The following SPATS2 variants were observed in gnomAD, a reference collection of about 807,000 sequenced individuals.
SPATS2 encodes spermatogenesis associated serine rich 2, also known as spermatogenesis-associated serine-rich protein 2.
SPATS2 carries 38 observed loss-of-function variants against 63.7 expected under a neutral mutation model. That is an observed-to-expected ratio of 0.60 (90% CI 0.46 to 0.78). SPATS2 has a LOEUF of 0.78. SPATS2 is among the 30% of genes least tolerant of loss of function. SPATS2 has a pLI of 0.00. For missense variants in SPATS2, 588 were observed against 666.2 expected, an observed-to-expected ratio of 0.88 and a Z score of 1.29; for synonymous variants, 207 against 232.9, an observed-to-expected ratio of 0.89 and a Z score of 1.01.
intron 2 of SPATS2, among the ~76,000 whole-genome samples, chr12:49,459,788 C>T (rs1470149979): frequency 8.4e-6 from 1 of 118,910 alleles, no homozygotes; most frequent in African/African-American, 3.3e-5. Flanking sequence ...GCTGGGAAAC[C>T]TGAGGAGAGG....
chr12:49,468,680 T>A (rs1945975391), intron 3 of SPATS2, among the ~76,000 whole-genome samples: 1 of 151,808 alleles, frequency 6.6e-6, no homozygotes, highest in African/African-American at 2.4e-5. Flanking sequence ...TTTCACCATG[T>A]TACCCAGGCT....
intron 1 of SPATS2, among the ~76,000 whole-genome samples, chr12:49,370,114 C>T (rs1943973209): frequency 6.6e-6 from 1 of 152,182 alleles, no homozygotes; most frequent in Non-Finnish European, 1.5e-5. Context: ...ATTCCAGGCG[C>T]TGAACTCAGT....
At chr12:49,485,847 C>T (rs1327312887) in intron 4 of SPATS2, among the ~76,000 whole-genome samples, 1 of 150,748 alleles carries the variant, frequency 6.6e-6, no homozygotes, top group Non-Finnish European at 1.5e-5. Flanking sequence ...TTAGCCTCCA[C>T]CTCCTGGGTT....
In SPATS2 at chr12:49,495,064, T is replaced by G. The variant is rs1392089832; in HGVS notation, c.526+62T>G. 3 of 1,431,134 alleles carry G rather than the reference T, an allele frequency of 2.1e-6. No individual in the cohort carries two copies. In the African/African-American group the frequency reaches 4.3e-5, roughly 21 times the overall value. 88.7% of individuals were successfully genotyped at this position (1,431,134 alleles called of 1,614,324 possible). A position where few individuals can be genotyped will look rare whatever the true frequency, so the allele number is the denominator to read the frequency against. ...AGTTGAAAAACAGGGTTCTCCTCGT[T>G]GAGAAAGTGATCAATTAAATCTAGT... On this transcript the variant is annotated intron_variant, in intron 7 of 13. Coordinates refer to ENST00000552918, the MANE Select transcript of SPATS2 (RefSeq NM_023071.4).
rs1168505658 is a variant in SPATS2, at chr12:49,489,528, C to G, written c.169C>G (p.His57Asp). 2 of 1,613,858 alleles carry G rather than the reference C, an allele frequency of 1.2e-6. No homozygotes were observed. Among genetic ancestry groups the G allele is most frequent in the Admixed American group, 3.3e-5 (2 of 60,018 alleles). Residue 57 changes from histidine (H) to aspartate (D), a missense_variant, in exon 5 of 14, where the codon CAC (histidine) becomes GAC (aspartate). His to Asp is a moderately conservative substitution (Grantham distance 81). Coordinates refer to ENST00000552918, the MANE Select transcript of SPATS2 (RefSeq NM_023071.4). ...SNNEIILVLQ[H>D]FDNCVDKTVQ... ...CAATGAAATTATCCTGGTTTTGCAGCACTTTGATAACTGTGTGGACAAAAC... is the reference window on the plus strand; with the variant it reads ...CAATGAAATTATCCTGGTTTTGCAGGACTTTGATAACTGTGTGGACAAAAC...
At chr12:49,505,915 C>T (rs190710031) in intron 9 of SPATS2, among the ~76,000 whole-genome samples, 64 of 152,250 alleles carry the variant, frequency 4.2e-4, no homozygotes, top group Middle Eastern at 3.4e-3. Flanking sequence ...ACAGACAGTT[C>T]CCTACTTATG....
intron 2 of SPATS2, among the ~76,000 whole-genome samples, chr12:49,395,590 A>T (rs1326393964): frequency 6.7e-6 from 1 of 149,530 alleles, no homozygotes; most frequent in Non-Finnish European, 1.5e-5. Flanking sequence ...ATGCCCACTA[A>T]TTTTTTTGTA....
chr12:49,432,134 C>T (rs529076087), intron 2 of SPATS2, among the ~76,000 whole-genome samples: 1 of 152,266 alleles, frequency 6.6e-6, no homozygotes, highest in South Asian at 2.1e-4. Flanking sequence ...CACCTCAGTA[C>T]CTGTGTGTTT....
chr12:49,525,760 A>G (rs1222204510), intron 13 of SPATS2, among the ~76,000 whole-genome samples, 184 bp from the exon 14 acceptor site: 4 of 152,252 alleles, frequency 2.6e-5, no homozygotes, highest in African/African-American at 9.6e-5. Flanking sequence ...GAGCAGGGAA[A>G]GATGGATTAG....
chr12:49,379,507 C>T (rs1401262409), intron 2 of SPATS2, among the ~76,000 whole-genome samples: 11 of 138,254 alleles, frequency 8.0e-5, no homozygotes, highest in African/African-American at 2.7e-4. Context: ...GCCGCGATCA[C>T]GCCACTGCAC....
rs537558029 is a variant in SPATS2, at chr12:49,526,240, A to G, written c.1623A>G (p.Glu541=). 7.5e-6 allele frequency: 12 copies of G among 1,609,290 alleles called. No homozygotes were observed. In the African/African-American group the frequency reaches 1.5e-4, roughly 20 times the overall value. Residue 541 remains glutamate (E), a synonymous_variant, in exon 14 of 14, where the codon GAA becomes GAG. Transcript: ENST00000552918. ...PQRKPRTSQT[E]AVNS ...GCAAACCCAGGACCTCTCAGACTGA[A>G]GCCGTGAACTCTTGAGAGAAAATCC...
intron 2 of SPATS2, among the ~76,000 whole-genome samples, chr12:49,382,702 TTTTG>T (rs1032348720): frequency 1.2e-4 from 19 of 152,318 alleles, no homozygotes; most frequent in South Asian, 4.1e-4. Flanking sequence ...TATTTTTGTA[TTTTG>T]TTTGTTTGTT....
Position 49,519,201 on chromosome 12 carries a change from T to C in SPATS2, c.1008+19T>C. ...TATCAAGGTAAAACTTCTTTCTGCT[T>C]TCTGCCTTTCTTCTTATCCTCAGGG... On this transcript the variant is annotated intron_variant, in intron 11 of 13. Coordinates refer to ENST00000552918, the MANE Select transcript of SPATS2 (RefSeq NM_023071.4). 2 of 1,595,040 alleles carry C rather than the reference T, an allele frequency of 1.3e-6. No individual in the cohort carries two copies. The highest frequency in any genetic ancestry group is 1.7e-6 in the Non-Finnish European group (2 of 1,166,330).
Position 49,459,940 on chromosome 12 carries a change from G to GA in SPATS2, c.-243-812dup, listed in dbSNP as rs533258878. 8.4e-3 allele frequency among the ~76,000 whole-genome samples: 884 copies of GA among 105,708 alleles called. 1 individual carries two copies. The highest frequency in any genetic ancestry group is 0.014 in the African/African-American group (399 of 28,772). 69.3% of individuals were successfully genotyped at this position (105,708 alleles called of 152,430 possible). A position where few individuals can be genotyped will look rare whatever the true frequency, so the allele number is the denominator to read the frequency against. On this transcript the variant is annotated intron_variant, in intron 2 of 13. Coordinates refer to ENST00000552918, the MANE Select transcript of SPATS2 (RefSeq NM_023071.4). ...AATATGGTGAAACCCTGTCTCTACTGAAAAAAAAAAAAAAAAAATTAGCCA... is the reference window on the plus strand; with the variant it reads ...AATATGGTGAAACCCTGTCTCTACTGAAAAAAAAAAAAAAAAAAATTAGCCA...
At chr12:49,463,519 A>G (rs1252440919) in intron 3 of SPATS2, 1 of 152,088 alleles carries the variant, frequency 6.6e-6, no homozygotes, top group Non-Finnish European at 1.5e-5. Context: ...AGTAAAGCTT[A>G]TGTGTTGTTG....
At chr12:49,369,294 T>C (rs1565687817) in intron 1 of SPATS2, among the ~76,000 whole-genome samples, 1 of 152,114 alleles carries the variant, frequency 6.6e-6, no homozygotes, top group African/African-American at 2.4e-5. Flanking sequence ...CCCAAAGTGT[T>C]GGGATTACAG....
At chr12:49,492,611 A>G (rs2137892356) in intron 6 of SPATS2, among the ~76,000 whole-genome samples, 1 of 152,266 alleles carries the variant, frequency 6.6e-6, no homozygotes, top group East Asian at 1.9e-4. Flanking sequence ...TGTGTTAGAG[A>G]CACAGACATT....
Position 49,496,826 on chromosome 12 carries a change from T to G in SPATS2, c.527-7T>G. Reference sequence around the variant, plus strand: ...TGCTCTAAAGTACAGTCCTCTTTCTTGGACAGGATCCATGCTGCAGAATGG... The same window carrying G: ...TGCTCTAAAGTACAGTCCTCTTTCTGGGACAGGATCCATGCTGCAGAATGG... On this transcript the variant is annotated splice_region_variant and splice_polypyrimidine_tract_variant and intron_variant, in intron 7 of 13. Coordinates refer to ENST00000552918, the MANE Select transcript of SPATS2 (RefSeq NM_023071.4). The G allele has an allele frequency of 6.2e-7, 1 of 1,613,848 alleles. No individual in the cohort carries two copies. The highest frequency in any genetic ancestry group is 8.5e-7 in the Non-Finnish European group (1 of 1,179,908).
chr12:49,401,652 C>T (rs1003697795), intron 2 of SPATS2, among the ~76,000 whole-genome samples: 1 of 152,014 alleles, frequency 6.6e-6, no homozygotes, highest in Non-Finnish European at 1.5e-5. Context: ...TATCAAATAT[C>T]CTGTCAGTTT....
Sources: gnomAD v4.1 joint callset for allele counts (sites outside exome capture counted in the v4.1 genomes callset) on GRCh38, gnomAD v4.1.1 for gene constraint, MANE v1.5 for transcripts, NCBI Gene and HGNC (gene_info 2026-07-23, HGNC 2026-07-21) for gene names.